Variants in NXPH1 observed in about 807,000 individuals in gnomAD.
NXPH1 encodes the protein neurexophilin-1.
Under a neutral mutation model 23.7 loss-of-function variants are expected in NXPH1, and 5 were observed. The observed-to-expected ratio is 0.21, with a 90% CI of 0.11 to 0.44. The LOEUF (loss-of-function observed/expected upper bound fraction) is 0.44. Ranked by LOEUF, NXPH1 falls within the 20% of genes least tolerant of loss-of-function variation. The pLI is 0.99. For missense variants in NXPH1, 324 were observed against 321.6 expected, an observed-to-expected ratio of 1.01 and a Z score of -0.06; for synonymous variants, 144 against 122.2, an observed-to-expected ratio of 1.18 and a Z score of -1.18.
At chr7:8,493,559 G>A (rs555759031) in intron 2 of NXPH1, among the ~76,000 whole-genome samples, 1 of 152,178 alleles carries the variant, frequency 6.6e-6, no homozygotes, top group South Asian at 2.1e-4. Context: ...CTGGAGAGTA[G>A]TATTAAACTT....
At position 8,750,995 on chromosome 7, in the gene NXPH1, C is replaced by T. The variant is rs1448296687; in HGVS notation, c.55-13C>T. On this transcript the variant is annotated splice_polypyrimidine_tract_variant and intron_variant, in intron 2 of 2. Transcript: ENST00000405863. Reference sequence around the variant, plus strand: ...GCAGAGATGTAAATGCCATTTTTCTCTTCTGTTTTCAGGTCACATGTGCCA... The same window carrying T: ...GCAGAGATGTAAATGCCATTTTTCTTTTCTGTTTTCAGGTCACATGTGCCA... The T allele has an allele frequency of 1.2e-6, 2 of 1,611,280 alleles. No homozygotes were observed. The highest frequency in any genetic ancestry group is 1.7e-6 in the Non-Finnish European group (2 of 1,178,128).
chr7:8,656,700 C>A (rs183046203), intron 2 of NXPH1, among the ~76,000 whole-genome samples: 5,563 of 151,664 alleles, frequency 0.037, 312 homozygotes, highest in East Asian at 0.17. Context: ...CCGCTCCCCC[C>A]ACCCCACAAC....
At chr7:8,691,315 AT>A in intron 2 of NXPH1, among the ~76,000 whole-genome samples, 1 of 151,992 alleles carries the variant, frequency 6.6e-6, no homozygotes, top group Non-Finnish European at 1.5e-5. Flanking sequence ...CGTCCAGCTA[AT>A]TTTTGTATTT....
chr7:8,515,636 C>T (rs1817675650), intron 2 of NXPH1, among the ~76,000 whole-genome samples: 5 of 152,112 alleles, frequency 3.3e-5, no homozygotes, highest in Admixed American at 2.0e-4. Context: ...ATGAATTCCA[C>T]ATTACTTTTT....
At chr7:8,717,106 T>C (rs1779890604) in intron 2 of NXPH1, among the ~76,000 whole-genome samples, 1 of 152,180 alleles carries the variant, frequency 6.6e-6, no homozygotes, top group South Asian at 2.1e-4. Flanking sequence ...CAAGTACTTC[T>C]GTTTGTACCT....
chr7:8,462,902 A>G (rs1234377260), intron 2 of NXPH1, among the ~76,000 whole-genome samples: 2 of 152,216 alleles, frequency 1.3e-5, no homozygotes, highest in African/African-American at 2.4e-5. Flanking sequence ...TGAGAGGCTT[A>G]TTTTATAGTT....
chr7:8,506,884 C>G (rs1255022128), intron 2 of NXPH1, among the ~76,000 whole-genome samples: 7 of 151,868 alleles, frequency 4.6e-5, no homozygotes, highest in Non-Finnish European at 8.8e-5. Context: ...GGCACCAGAC[C>G]CTGCATGCCC....
At chr7:8,677,048 G>T in intron 2 of NXPH1, among the ~76,000 whole-genome samples, 1 of 152,162 alleles carries the variant, frequency 6.6e-6, no homozygotes, top group East Asian at 1.9e-4. Context: ...GCATGGTACA[G>T]GTTGAATGTA....
chr7:8,611,508 G>A (rs1375900772), intron 2 of NXPH1, among the ~76,000 whole-genome samples: 1 of 152,142 alleles, frequency 6.6e-6, no homozygotes, highest in African/African-American at 2.4e-5. Flanking sequence ...ATCACTATCA[G>A]TAGCAATAGG....
chr7:8,559,522 C>T (rs1409914026), intron 2 of NXPH1, among the ~76,000 whole-genome samples: 1 of 151,610 alleles, frequency 6.6e-6, no homozygotes, highest in African/African-American at 2.4e-5. Context: ...TTTCTTAAGA[C>T]ACAGTAATTA....
chr7:8,731,011 T>C (rs6973001), intron 2 of NXPH1, among the ~76,000 whole-genome samples: 17,440 of 118,914 alleles, frequency 0.15, 1,760 homozygotes, highest in African/African-American at 0.23. Flanking sequence ...TTCACATAGT[T>C]CCATATTTCT....
intron 2 of NXPH1, among the ~76,000 whole-genome samples, chr7:8,577,964 C>T (rs1818786547): frequency 6.6e-6 from 1 of 152,196 alleles, no homozygotes; most frequent in Admixed American, 6.5e-5. Flanking sequence ...CTTCAGATGA[C>T]TGCAGTCCCA....
At chr7:8,739,835 A>T (rs1344824470) in intron 2 of NXPH1, among the ~76,000 whole-genome samples, 1 of 152,166 alleles carries the variant, frequency 6.6e-6, no homozygotes, top group Non-Finnish European at 1.5e-5. Context: ...AAACATTTTT[A>T]AAAATGAAGA....
intron 2 of NXPH1, among the ~76,000 whole-genome samples, chr7:8,566,948 G>T (rs975341694): frequency 4.6e-5 from 7 of 151,508 alleles, no homozygotes; most frequent in South Asian, 4.2e-4. Flanking sequence ...ATTGTTTCAA[G>T]AACAAGAAGA....
chr7:8,483,965 C>CTTTTTTTTTTT lies in NXPH1; in HGVS notation c.54+48205_54+48215dup, dbSNP rs60436502. 3.8e-3 allele frequency among the ~76,000 whole-genome samples: 501 copies of CTTTTTTTTTTT among 132,212 alleles called. 13 individuals are homozygous for CTTTTTTTTTTT. Among genetic ancestry groups the CTTTTTTTTTTT allele is most frequent in the African/African-American group, 0.015 (473 of 31,942 alleles). 86.7% of individuals were successfully genotyped at this position (132,212 alleles called of 152,430 possible). The stretch of plus-strand genomic sequence containing the variant: ...CTAGAATAAATAACACTCCCCCCAC[C>CTTTTTTTTTTT]TTTTTTTTTTTTTTTTTAAGAAGTA... On this transcript the variant is annotated intron_variant, in intron 2 of 2. Coordinates refer to ENST00000405863, the MANE Select transcript of NXPH1 (RefSeq NM_152745.3).
chr7:8,537,707 C>T (rs1818049944), intron 2 of NXPH1, among the ~76,000 whole-genome samples: 2 of 151,882 alleles, frequency 1.3e-5, no homozygotes, highest in Non-Finnish European at 2.9e-5. Context: ...CTGTGTGACA[C>T]TGGGAGCTCT....
At chr7:8,636,426 C>T (rs141634683) in intron 2 of NXPH1, among the ~76,000 whole-genome samples, 229 of 152,338 alleles carry the variant, frequency 1.5e-3, no homozygotes, top group African/African-American at 5.4e-3. Context: ...TTTCAAGCCA[C>T]TTTCTCCCCA....
At chr7:8,508,486 G>A (rs192754383) in intron 2 of NXPH1, among the ~76,000 whole-genome samples, 226 of 152,248 alleles carry the variant, frequency 1.5e-3, no homozygotes, top group African/African-American at 5.2e-3. Context: ...CATTCATTCA[G>A]TGAAAGCTAT....
At chr7:8,577,669 T>C (rs1818779190) in intron 2 of NXPH1, among the ~76,000 whole-genome samples, 1 of 152,196 alleles carries the variant, frequency 6.6e-6, no homozygotes, top group South Asian at 2.1e-4. Context: ...AGGCTTCCAG[T>C]GCTCCTTACC....
Sources: allele counts gnomAD v4.1 joint callset (sites outside exome capture counted in the v4.1 genomes callset), GRCh38; gene constraint gnomAD v4.1.1; transcripts MANE v1.5; gene names NCBI Gene and HGNC (gene_info 2026-07-23, HGNC 2026-07-21).